Variants in SV2B observed in about 807,000 individuals in gnomAD.
SV2B encodes the protein solute carrier family 22 member B2.
A neutral mutation model predicts 73.9 loss-of-function variants in SV2B; 41 were observed. The ratio of observed to expected loss-of-function variants is 0.56; its 90% CI spans 0.43 to 0.72. SV2B has a LOEUF of 0.72. SV2B is among the 30% of genes least tolerant of loss of function. SV2B has a pLI of 0.00. For missense variants in SV2B, 764 were observed against 857.8 expected (o/e 0.89, Z 1.37); for synonymous variants, 314 against 314.2 (o/e 1.00, Z 0.01).
intron 11 of SV2B, among the ~76,000 whole-genome samples, chr15:91,287,236 C>A (rs1261785525): frequency 1.3e-5 from 2 of 152,174 alleles, no homozygotes; most frequent in Non-Finnish European, 2.9e-5. Flanking sequence ...AGCCCCAGGT[C>A]TGAGGGTGAC....
chr15:91,250,505 A>T (rs1353487576), intron 2 of SV2B, among the ~76,000 whole-genome samples: 2 of 152,232 alleles, frequency 1.3e-5, no homozygotes, highest in Non-Finnish European at 2.9e-5. Context: ...AATAAAAGTC[A>T]TCCAAATCAG....
Position 91,223,531 on chromosome 15 carries a change from G to T in SV2B, c.-391-2342G>T, listed in dbSNP as rs930387438. On this transcript the variant is annotated intron_variant, in intron 1 of 12. Coordinates refer to ENST00000394232, the MANE Select transcript of SV2B (RefSeq NM_001323032.3). The surrounding 1 kb of genome is among the most constrained non-coding windows in gnomAD (Gnocchi z 4.6). ...GAGTCCCACAAGTGCTTTTGGAATT[G>T]CAAGTCTATCATTTCTGGTTCACGA... is the stretch of plus-strand genomic sequence containing the variant. Among the ~76,000 whole-genome samples, 1 of 152,168 alleles carries T rather than the reference G, an allele frequency of 6.6e-6. No homozygotes were observed. Among genetic ancestry groups the T allele is most frequent in the Non-Finnish European group, 1.5e-5 (1 of 68,036 alleles).
Position 91,227,499 on chromosome 15 carries a change from A to G in SV2B, c.451+785A>G, listed in dbSNP as rs1401330636. On this transcript the variant is annotated intron_variant, in intron 2 of 12. Transcript: ENST00000394232. This position sits in a 1 kb window ranked among gnomAD's most constrained non-coding sequence, Gnocchi z 4.5. The stretch of plus-strand genomic sequence containing the variant: ...ACCAAATGTCCTGAAAAATGTATCT[A>G]CCCTCTAAATTTAGAGTCTATGAAA... Among the ~76,000 whole-genome samples, 3 of 152,180 alleles carry G rather than the reference A, an allele frequency of 2.0e-5. No homozygotes were observed. Among genetic ancestry groups the G allele is most frequent in the African/African-American group, 7.2e-5 (3 of 41,436 alleles).
chr15:91,133,225 G>T (rs1003057168), intron 1 of SV2B, among the ~76,000 whole-genome samples: 1 of 152,116 alleles, frequency 6.6e-6, no homozygotes, highest in African/African-American at 2.4e-5. Context: ...ACTGGGTCTC[G>T]GGGCTAATTA....
Position 91,231,325 on chromosome 15 carries a change from G to C in SV2B, c.451+4611G>C, listed in dbSNP as rs896976112. Among the ~76,000 whole-genome samples the C allele has an allele frequency of 6.6e-6, 1 of 152,214 alleles. No homozygotes were observed. Among genetic ancestry groups the C allele is most frequent in the South Asian group, 2.1e-4 (1 of 4,806 alleles). ...AAGGAGGTGATAAGATGGGGCCTGT[G>C]GTTTAGGGTGATCACTCTGCCCCAG... On this transcript the variant is annotated intron_variant, in intron 2 of 12. Coordinates refer to ENST00000394232, the MANE Select transcript of SV2B (RefSeq NM_001323032.3). The surrounding 1 kb of genome is among the most constrained non-coding windows in gnomAD (Gnocchi z 4.5).
rs2042245021 is a variant in SV2B, at chr15:91,118,701, A to G, written c.-392+18338A>G. On this transcript the variant is annotated intron_variant, in intron 1 of 12. Transcript: ENST00000394232. The surrounding 1 kb of genome is among the most constrained non-coding windows in gnomAD (Gnocchi z 4.7). ...ACTGTCTCAAGAAAACTTTATACAC[A>G]GAAGCCACCACATCAGACAGCCCAG... Among the ~76,000 whole-genome samples, 1 of 152,204 alleles carries G rather than the reference A, an allele frequency of 6.6e-6. No homozygotes were observed. The highest frequency in any genetic ancestry group is 1.5e-5 in the Non-Finnish European group (1 of 68,022).
intron 1 of SV2B, among the ~76,000 whole-genome samples, chr15:91,161,549 A>G (rs966920655): frequency 6.6e-6 from 1 of 152,226 alleles, no homozygotes; most frequent in African/African-American, 2.4e-5. Flanking sequence ...TGTATTAGGC[A>G]CTGTTCTAAG....
rs576988935 is a variant in SV2B, at chr15:91,122,183, A to C, written c.-392+21820A>C. ...CTCCTCTTTGGACTCCCACTATCTCAGCTACTAGAAATGTATTATCTCATC... is the reference window on the plus strand; with the variant it reads ...CTCCTCTTTGGACTCCCACTATCTCCGCTACTAGAAATGTATTATCTCATC... On this transcript the variant is annotated intron_variant, in intron 1 of 12. Coordinates refer to ENST00000394232, the MANE Select transcript of SV2B (RefSeq NM_001323032.3). The surrounding 1 kb of genome is among the most constrained non-coding windows in gnomAD (Gnocchi z 4.3). Among the ~76,000 whole-genome samples, 2 of 152,304 alleles carry C rather than the reference A, an allele frequency of 1.3e-5. No homozygotes were observed. Among genetic ancestry groups the C allele is most frequent in the East Asian group, 3.9e-4 (2 of 5,192 alleles).
intron 1 of SV2B, among the ~76,000 whole-genome samples, chr15:91,127,494 C>T (rs923914163): frequency 6.6e-6 from 1 of 152,086 alleles, no homozygotes; most frequent in Non-Finnish European, 1.5e-5. Flanking sequence ...GCTCTTCTAT[C>T]CCTCAGCAGG....
chr15:91,154,435 G>A (rs1479687625), intron 1 of SV2B, among the ~76,000 whole-genome samples: 1 of 152,148 alleles, frequency 6.6e-6, no homozygotes, highest in African/African-American at 2.4e-5. Context: ...TATTAGACAG[G>A]CAGATTGTGG....
Position 91,229,736 on chromosome 15 carries a change from T to A in SV2B, c.451+3022T>A, listed in dbSNP as rs1275539287. ...CAAGATATCTTAGTTATTATTATTG[T>A]CGATTGTGGTTGTTCTTATTACTAA... is the stretch of plus-strand genomic sequence containing the variant. On this transcript the variant is annotated intron_variant, in intron 2 of 12. Coordinates refer to ENST00000394232, the MANE Select transcript of SV2B (RefSeq NM_001323032.3). The surrounding 1 kb of genome is among the most constrained non-coding windows in gnomAD (Gnocchi z 4.3). Among the ~76,000 whole-genome samples the A allele has an allele frequency of 6.6e-6, 1 of 152,246 alleles. No individual in the cohort carries two copies. The highest frequency in any genetic ancestry group is 6.5e-5 in the Admixed American group (1 of 15,282).
rs556813259 is a variant in SV2B, at chr15:91,288,746, C to T, written c.1709-775C>T. Among the ~76,000 whole-genome samples the T allele has an allele frequency of 6.6e-5, 10 of 152,064 alleles. No homozygotes were observed. The East Asian group carries it at 1.4e-3, about 21-fold the overall frequency. On this transcript the variant is annotated intron_variant, in intron 11 of 12. Coordinates refer to ENST00000394232, the MANE Select transcript of SV2B (RefSeq NM_001323032.3). The surrounding 1 kb of genome is among the most constrained non-coding windows in gnomAD (Gnocchi z 5.8). ...AGGCTGGAGTACAGTGGCGCCATCT[C>T]GGCTCACTGCAACCTCTGCCTCCCA...
At chr15:91,207,853 C>T (rs2045701080) in intron 1 of SV2B, among the ~76,000 whole-genome samples, 1 of 152,140 alleles carries the variant, frequency 6.6e-6, no homozygotes, top group African/African-American at 2.4e-5. Context: ...TCTTGACAAC[C>T]TATGTGACAA....
At chr15:91,164,394 G>A (rs1266804025) in intron 1 of SV2B, among the ~76,000 whole-genome samples, 1 of 152,190 alleles carries the variant, frequency 6.6e-6, no homozygotes, top group African/African-American at 2.4e-5. Flanking sequence ...GAGGCCAGTG[G>A]TATTCCTTGT....
intron 1 of SV2B, among the ~76,000 whole-genome samples, chr15:91,171,812 T>C (rs943886729): frequency 5.9e-5 from 9 of 152,174 alleles, no homozygotes; most frequent in Admixed American, 3.9e-4. Context: ...TTAACAATGT[T>C]CCATGGAGTG....
chr15:91,222,470 C>T (rs557174834), intron 1 of SV2B, among the ~76,000 whole-genome samples: 2 of 152,246 alleles, frequency 1.3e-5, no homozygotes, highest in East Asian at 3.9e-4. Context: ...AGGGGTAGAT[C>T]TTCTGAGAAT....
chr15:91,262,011 C>T (rs2047925872), intron 6 of SV2B, among the ~76,000 whole-genome samples: 1 of 152,186 alleles, frequency 6.6e-6, no homozygotes, highest in African/African-American at 2.4e-5. Context: ...TTTTTAGCTT[C>T]CATAATTTCA....
intron 4 of SV2B, among the ~76,000 whole-genome samples, chr15:91,256,527 A>G (rs1311613881): frequency 1.3e-5 from 2 of 152,188 alleles, no homozygotes; most frequent in African/African-American, 4.8e-5. Flanking sequence ...ATGCCAGAGT[A>G]GTTTTTGCAC....
In SV2B at chr15:91,223,082, T is replaced by G. The variant is rs2141473830; in HGVS notation, c.-391-2791T>G. On this transcript the variant is annotated intron_variant, in intron 1 of 12. Transcript: ENST00000394232. The surrounding 1 kb of genome is among the most constrained non-coding windows in gnomAD (Gnocchi z 4.6). Reference sequence around the variant, plus strand: ...TGCAGGTTGGGAAGCCTTAGGCTTGTAGATGGCATTTGTCTTGGGTCTTCA... The same window carrying G: ...TGCAGGTTGGGAAGCCTTAGGCTTGGAGATGGCATTTGTCTTGGGTCTTCA... Among the ~76,000 whole-genome samples the G allele has an allele frequency of 6.6e-6, 1 of 152,328 alleles. No individual in the cohort carries two copies. Among genetic ancestry groups the G allele is most frequent in the South Asian group, 2.1e-4 (1 of 4,828 alleles).
Sources: allele counts gnomAD v4.1 joint callset (sites outside exome capture counted in the v4.1 genomes callset), GRCh38; gene constraint gnomAD v4.1.1; non-coding constraint Gnocchi (gnomAD v3.1); transcripts MANE v1.5; gene names NCBI Gene and HGNC (gene_info 2026-07-23, HGNC 2026-07-21).